AHCTF1: variants seen among roughly 807,000 people sequenced by gnomAD.
The protein encoded by AHCTF1 is AT-hook containing transcription factor 1.
A neutral mutation model predicts 248.4 loss-of-function variants in AHCTF1; 24 were observed. The ratio of observed to expected loss-of-function variants is 0.10; its 90% CI spans 0.07 to 0.14. The LOEUF (loss-of-function observed/expected upper bound fraction) is 0.14, where lower values mean the gene tolerates loss of function less well. Among genes scored for constraint, AHCTF1 ranks in the 10% least tolerant of loss-of-function variants. The pLI, the probability that AHCTF1 is intolerant of heterozygous loss-of-function variation, is 1.00. For missense variants in AHCTF1, 2,206 were observed against 2,636.2 expected (o/e 0.84, Z 3.57); for synonymous variants, 786 against 929.8 (o/e 0.85, Z 2.81).
intron 32 of AHCTF1, chr1:246,852,026 T>C (rs1660748300): frequency 6.5e-6 from 1 of 152,734 alleles, no homozygotes; most frequent in African/African-American, 2.4e-5. Flanking sequence ...GAAGGAATGG[T>C]CCTTGCAATT....
chr1:246,896,729 C>A (rs1436413245), intron 12 of AHCTF1, among the ~76,000 whole-genome samples: 1 of 152,100 alleles, frequency 6.6e-6, no homozygotes, highest in East Asian at 1.9e-4. Flanking sequence ...TGAAATATCT[C>A]AATAAAGCTG....
intron 29 of AHCTF1, among the ~76,000 whole-genome samples, chr1:246,860,188 TGG>T (rs57594834): frequency 0.65 from 97,327 of 149,006 alleles, 33,480 homozygotes; most frequent in African/African-American, 0.89. Flanking sequence ...TGAACCTGGT[TGG>T]GGGGGGGGCG....
intron 4 of AHCTF1, among the ~76,000 whole-genome samples, chr1:246,910,282 AAGG>A (rs1665710563): frequency 6.6e-6 from 1 of 152,240 alleles, no homozygotes; most frequent in Non-Finnish European, 1.5e-5. Context: ...CTGTACGTTC[AAGG>A]AGACTTGAGA....
chr1:246,864,986 C>T (rs1399143351), intron 26 of AHCTF1, among the ~76,000 whole-genome samples: 1 of 150,498 alleles, frequency 6.6e-6, no homozygotes, highest in African/African-American at 2.4e-5. Context: ...GATTCTACTA[C>T]AAGGTTTTCC....
At chr1:246,853,017 G>T in intron 32 of AHCTF1, 74 bp downstream of exon 32, 4 of 1,102,924 alleles carry the variant, frequency 3.6e-6, no homozygotes, top group South Asian at 1.6e-5. Context: ...TGTTAGATTT[G>T]AACTACTGTG....
chr1:246,879,206 C>T (rs901265500), intron 21 of AHCTF1, among the ~76,000 whole-genome samples: 38 of 152,074 alleles, frequency 2.5e-4, no homozygotes, highest in Non-Finnish European at 2.9e-5. Flanking sequence ...AAAAAAGATA[C>T]ATTCCATTAT....
intron 31 of AHCTF1, 135 bp downstream of exon 31, chr1:246,855,595 A>T: frequency 1.5e-6 from 1 of 660,386 alleles, no homozygotes; most frequent in Non-Finnish European, 2.5e-6. Context: ...ACACCAGGAA[A>T]GCTGACCAGA....
At chr1:246,883,609 G>C (rs1201242280) in intron 21 of AHCTF1, among the ~76,000 whole-genome samples, 5 of 152,162 alleles carry the variant, frequency 3.3e-5, no homozygotes, top group Non-Finnish European at 7.3e-5. Flanking sequence ...ACTTTCAACA[G>C]TGTTCTCTGA....
At chr1:246,844,368 T>C (rs1660097071) in intron 33 of AHCTF1, among the ~76,000 whole-genome samples, 1 of 152,224 alleles carries the variant, frequency 6.6e-6, no homozygotes, top group East Asian at 1.9e-4. Context: ...AAAATCTTTC[T>C]AGCCACCTCA....
In AHCTF1 at chr1:246,929,973, A is replaced by G. The variant is rs188101913; in HGVS notation, c.-8+1605T>C. Among the ~76,000 whole-genome samples the G allele has an allele frequency of 5.0e-3, 758 of 151,868 alleles. 4 individuals carry two copies. The highest frequency in any genetic ancestry group is 0.017 in the African/African-American group (686 of 41,406). On this transcript the variant is annotated intron_variant, in intron 1 of 35. Coordinates refer to ENST00000648844, the MANE Select transcript of AHCTF1 (RefSeq NM_001323342.2). Reference sequence around the variant, plus strand: ...AGGCTGAGGCAGGAGAATCGCTTGAACCTGGGAGACGGAGGTTGCAGTGAG... The same window carrying G: ...AGGCTGAGGCAGGAGAATCGCTTGAGCCTGGGAGACGGAGGTTGCAGTGAG...
chr1:246,901,654 C>T (rs1359604971), intron 8 of AHCTF1, among the ~76,000 whole-genome samples: 5 of 151,866 alleles, frequency 3.3e-5, no homozygotes, highest in African/African-American at 7.3e-5. Flanking sequence ...CCTGTCACTA[C>T]AAAAAATACA....
chr1:246,865,707 T>TAC (rs1256147623), intron 26 of AHCTF1, among the ~76,000 whole-genome samples: 1 of 152,184 alleles, frequency 6.6e-6, no homozygotes, highest in Non-Finnish European at 1.5e-5. Context: ...AAAAGCTACC[T>TAC]ACCAAGTCAA....
intron 8 of AHCTF1, among the ~76,000 whole-genome samples, chr1:246,901,375 G>T (rs903402401): frequency 2.0e-5 from 3 of 151,944 alleles, no homozygotes; most frequent in Admixed American, 6.6e-5. Context: ...GGTGGCTCAC[G>T]CCTGTAATCC....
intron 26 of AHCTF1, among the ~76,000 whole-genome samples, chr1:246,866,658 TC>T (rs1483661178): frequency 6.6e-6 from 1 of 152,022 alleles, no homozygotes; most frequent in African/African-American, 2.4e-5. Context: ...ATCAAAAATT[TC>T]CAAAGATCCT....
At chr1:246,852,985 A>G (rs1660826810) in intron 32 of AHCTF1, 106 bp downstream of exon 32, 2 of 761,342 alleles carry the variant, frequency 2.6e-6, no homozygotes, top group Non-Finnish European at 2.1e-6. Flanking sequence ...AAGTTTTTAT[A>G]TAGCAGTCAA....
At chr1:246,908,531 TC>T (rs1467026209) in intron 4 of AHCTF1, among the ~76,000 whole-genome samples, 6 of 152,046 alleles carry the variant, frequency 3.9e-5, no homozygotes, top group Non-Finnish European at 7.4e-5. Context: ...AGAAAATTAT[TC>T]TTTACATTGA....
In AHCTF1 at chr1:246,902,526, T is replaced by A. The variant is rs753360431; in HGVS notation, c.1116A>T (p.Glu372Asp). The change falls in exon 8 of 36, where the codon GAA becomes GAT. Residue 372 changes from glutamate to aspartate, a missense_variant and splice_region_variant. Around this residue, in one of 6 missense-constraint regions of AHCTF1, gnomAD observed 650 missense variants for 870.8 expected, o/e 0.75. Transcript: ENST00000648844. ...CATATTTCAAGTACTTTAACTAACC[T>A]TCATTCACGCCTTCCTCCCTGTCAC... Reference protein sequence around the residue: ...SHGDREEGVNEALSPDTSVSV... With the variant: ...SHGDREEGVNDALSPDTSVSV... 6.2e-7 allele frequency: 1 copy of A among 1,609,116 alleles called. No individual in the cohort carries two copies. Among genetic ancestry groups the A allele is most frequent in the Non-Finnish European group, 8.5e-7 (1 of 1,178,390 alleles).
At chr1:246,843,717 A>G (rs906267026) in intron 34 of AHCTF1, 78 bp downstream of exon 34, 3 of 953,848 alleles carry the variant, frequency 3.1e-6, no homozygotes, top group Admixed American at 1.3e-4. Flanking sequence ...AATTTAAATA[A>G]AATAATTTTA....
intron 27 of AHCTF1, 122 bp downstream of exon 27, chr1:246,863,802 C>T: frequency 1.0e-6 from 1 of 961,058 alleles, no homozygotes; most frequent in Non-Finnish European, 1.6e-6. Context: ...TAAAAGGATG[C>T]TTAAAGCATT....
Sources: allele counts gnomAD v4.1 joint callset (sites outside exome capture counted in the v4.1 genomes callset), GRCh38; gene constraint gnomAD v4.1.1; regional missense constraint gnomAD v4.1.1; transcripts MANE v1.5; gene names NCBI Gene and HGNC (gene_info 2026-07-23, HGNC 2026-07-21).